CHRNE: variants seen among roughly 807,000 people sequenced by gnomAD.
CHRNE encodes acetylcholine receptor subunit epsilon.
A neutral mutation model predicts 56.5 loss-of-function variants in CHRNE; 58 were observed. The observed-to-expected ratio is 1.03, with a 90% CI of 0.83 to 1.28. CHRNE has a LOEUF of 1.28. CHRNE is among the 50% of genes most tolerant of loss of function. CHRNE has a pLI of 0.00. For synonymous variants in CHRNE, 385 were observed against 297.9 expected (o/e 1.29, Z -3.01); for missense variants, 793 against 688.9 (o/e 1.15, Z -1.69).
intron 5 of CHRNE, 41 bp downstream of exon 5, chr17:4,901,891 C>CCCA: frequency 6.2e-7 from 1 of 1,606,300 alleles, no homozygotes. Flanking sequence ...AAGGCCCCCC[C>CCCA]CCAACAATAA....
chr17:4,908,094 C>T (rs1329951123), upstream of CHRNE, among the ~76,000 whole-genome samples: 2 of 152,146 alleles, frequency 1.3e-5, no homozygotes, highest in Admixed American at 1.3e-4. Flanking sequence ...CCCCTTGAAC[C>T]AGGCAGTCAG....
rs773921388 is a variant in CHRNE, at chr17:4,899,125, G to T, written c.1220-18C>A. 1 of 1,603,758 alleles carries T rather than the reference G, an allele frequency of 6.2e-7. No individual in the cohort carries two copies. The highest frequency in any genetic ancestry group is 1.1e-5 in the South Asian group (1 of 89,858). The stretch of plus-strand genomic sequence containing the variant: ...GAAGGCAGCTGGCGGGGAAAACACC[G>T]GGGTGGGCCTTAGGAGCCTCCCCCC... On this transcript the variant is annotated intron_variant, in intron 10 of 11. Transcript: ENST00000649488.
chr17:4,899,720 C>T (rs1567637272), intron 8 of CHRNE, 138 bp from the exon 9 acceptor site: 9 of 1,526,384 alleles, frequency 5.9e-6, no homozygotes, highest in South Asian at 2.4e-5. Flanking sequence ...CGACGACAGA[C>T]GCGTCCCCCA....
chr17:4,898,540 C>T lies in CHRNE; in HGVS notation c.*196G>A, dbSNP rs1416237486. The T allele has an allele frequency of 2.3e-5, 16 of 686,480 alleles. No individual in the cohort carries two copies. The highest frequency in any genetic ancestry group is 3.7e-5 in the Non-Finnish European group (15 of 403,998). The allele number at this position is 686,480 out of a possible 1,614,324, so 42.5% of individuals were successfully genotyped here. On this transcript the variant is annotated 3_prime_UTR_variant, in exon 12 of 12. Transcript: ENST00000649488. ...CTGGCACCTGAGAGCCTATGTGAAC[C>T]CTTTCCTCCTGCTGACCCCTGGACT...
rs751557446 is a variant in CHRNE at position 4,898,424 on chromosome 17, T to G, written c.*312A>C. ...GAATATAGATAGATAGCTCACAAGC[T>G]GGCAGCCACCAGAGTCCCGTGGGGC... On this transcript the variant is annotated 3_prime_UTR_variant, in exon 12 of 12. Coordinates refer to ENST00000649488, the MANE Select transcript of CHRNE (RefSeq NM_000080.4). 1.1e-4 allele frequency: 49 copies of G among 462,766 alleles called. No individual in the cohort carries two copies. The highest frequency in any genetic ancestry group is 6.1e-4 in the Middle Eastern group (1 of 1,628). The allele number at this position is 462,766 out of a possible 1,614,324, so 28.7% of individuals were successfully genotyped here.
In CHRNE at chr17:4,897,991, C is replaced by CACCCCT. The variant is rs886053116; in HGVS notation, c.*744_*745insAGGGGT. 2.7e-5 allele frequency: 4 copies of CACCCCT among 145,966 alleles called. No individual in the cohort carries two copies. Among genetic ancestry groups the CACCCCT allele is most frequent in the South Asian group, 2.1e-4 (1 of 4,680 alleles). The allele number at this position is 145,966 out of a possible 1,614,324, so 9.0% of individuals were successfully genotyped here. A position where few individuals can be genotyped will look rare whatever the true frequency, so the allele number is the denominator to read the frequency against. On this transcript the variant is annotated 3_prime_UTR_variant, in exon 12 of 12. Transcript: ENST00000649488. ...GCAAGTAACCCTTCTCCCTCCCCCC[C>CACCCCT]CACCCCTCCTCAATGTAGTGGCCTT...
chr17:4,898,392 A>C lies in CHRNE; in HGVS notation c.*344T>G. Reference sequence around the variant, plus strand: ...CTGCAAAGGGGTCTCCTGTTTGGCTATGAAATGAATATAGATAGATAGCTC... The same window carrying C: ...CTGCAAAGGGGTCTCCTGTTTGGCTCTGAAATGAATATAGATAGATAGCTC... On this transcript the variant is annotated 3_prime_UTR_variant, in exon 12 of 12. Coordinates refer to ENST00000649488, the MANE Select transcript of CHRNE (RefSeq NM_000080.4). The C allele has an allele frequency of 2.7e-6, 1 of 365,980 alleles. No individual in the cohort carries two copies. The highest frequency in any genetic ancestry group is 5.2e-6 in the Non-Finnish European group (1 of 190,798). The allele number at this position is 365,980 out of a possible 1,614,324, so 22.7% of individuals were successfully genotyped here. A position where few individuals can be genotyped will look rare whatever the true frequency, so the allele number is the denominator to read the frequency against.
Position 4,900,864 on chromosome 17 carries a change from G to C in CHRNE, c.846C>G (p.Ala282=), listed in dbSNP as rs780429979. 2.5e-6 allele frequency: 4 copies of C among 1,614,082 alleles called. No individual in the cohort carries two copies. Among genetic ancestry groups the C allele is most frequent in the Admixed American group, 1.7e-5 (1 of 60,010 alleles). Residue 282 remains alanine (A), a synonymous_variant, in exon 8 of 12, where the codon GCC becomes GCG. Transcript: ENST00000649488. ...KCTVSINVLL[A]QTVFLFLIAQ... ...CAATGAGGAACAAGAAGACGGTCTGGGCGAGCAGGACGTTGATGGAGACCG... is the reference window on the plus strand; with the variant it reads ...CAATGAGGAACAAGAAGACGGTCTGCGCGAGCAGGACGTTGATGGAGACCG...
At chr17:4,901,891 C>CCCG (rs367599263) in intron 5 of CHRNE, 41 bp downstream of exon 5, 2 of 1,606,302 alleles carry the variant, frequency 1.2e-6, no homozygotes, top group African/African-American at 2.7e-5. Context: ...AAGGCCCCCC[C>CCCG]CCAACAATAA....
intron 8 of CHRNE, 117 bp from the exon 9 acceptor site, chr17:4,899,699 C>T (rs969186963): frequency 4.7e-6 from 7 of 1,480,610 alleles, no homozygotes; most frequent in African/African-American, 1.4e-5. Context: ...CCTCCAGCTG[C>T]GCCCCCTACA....
At position 4,898,810 on chromosome 17, in the gene CHRNE, A is replaced by C; in HGVS notation, c.1408T>G (p.Ser470Ala). Residue 470 changes from serine (S) to alanine (A), a missense_variant, in exon 12 of 12, where the codon TCC (serine) becomes GCC (alanine). Physicochemically the swap from Ser to Ala is moderately conservative, Grantham distance 99 (BLOSUM62 1). Coordinates refer to ENST00000649488, the MANE Select transcript of CHRNE (RefSeq NM_000080.4). ...WAALVLFSVG[S>A]SLIFLGAYFN... ...TAGGCCCCGAGGAAGATGAGGCTGG[A>C]GCCCACGCTGAAGAGCACCAGAGCG... is the stretch of plus-strand genomic sequence containing the variant. The C allele has an allele frequency of 6.2e-7, 1 of 1,605,300 alleles. No homozygotes were observed.
chr17:4,903,362 G>C (rs1372816311), upstream of CHRNE, among the ~76,000 whole-genome samples: 1 of 152,184 alleles, frequency 6.6e-6, no homozygotes, highest in African/African-American at 2.4e-5. Context: ...CACAATTCTA[G>C]TAGCAGGGGG....
upstream of CHRNE, chr17:4,903,144 G>A (rs1970041550): frequency 1.4e-6 from 2 of 1,411,132 alleles, no homozygotes; most frequent in Non-Finnish European, 1.0e-6. Context: ...TGAGGGGGAG[G>A]AGGGTGTTAG....
Position 4,898,637 on chromosome 17 carries a change from C to A in CHRNE, c.*99G>T. On this transcript the variant is annotated 3_prime_UTR_variant, in exon 12 of 12. Coordinates refer to ENST00000649488, the MANE Select transcript of CHRNE (RefSeq NM_000080.4). ...TGAAGTTCACAAACTGCAGATTGAT[C>A]AGCAGGGGGAAGGGATCATAATGCC... is the stretch of plus-strand genomic sequence containing the variant. 6.8e-7 allele frequency: 1 copy of A among 1,463,590 alleles called. No individual in the cohort carries two copies. The highest frequency in any genetic ancestry group is 1.2e-5 in the South Asian group (1 of 82,012). 90.7% of individuals were successfully genotyped at this position (1,463,590 alleles called of 1,614,324 possible).
At chr17:4,899,818 G>A (rs1041599982) in intron 8 of CHRNE, 8 of 1,551,024 alleles carry the variant, frequency 5.2e-6, no homozygotes, top group African/African-American at 4.1e-5. Flanking sequence ...CACTTCCACA[G>A]CTCCACCGAG....
At position 4,900,806 on chromosome 17, in the gene CHRNE, G is replaced by T; in HGVS notation, c.904C>A (p.Pro302Thr). The T allele has an allele frequency of 6.2e-7, 1 of 1,613,740 alleles. No homozygotes were observed. Among genetic ancestry groups the T allele is most frequent in the South Asian group, 1.1e-5 (1 of 91,054 alleles). ...CTCCGGCTTCACCTGCCCAGGAGCGGCACGCTCAGAGAAGTCTCTGGGATT... is the reference window on the plus strand; with the variant it reads ...CTCCGGCTTCACCTGCCCAGGAGCGTCACGCTCAGAGAAGTCTCTGGGATT... ...QKIPETSLSV[P>T]LLGRFLIFVM... Residue 302 changes from proline to threonine, a missense_variant, in exon 8 of 12, where the codon CCG becomes ACG. By Grantham distance (38) the Pro-to-Thr change is conservative (BLOSUM62 -1). Coordinates refer to ENST00000649488, the MANE Select transcript of CHRNE (RefSeq NM_000080.4).
rs1441653482 is a variant in CHRNE, at chr17:4,898,284, G to C, written c.*452C>G. 1.1e-5 allele frequency: 3 copies of C among 268,018 alleles called. No individual in the cohort carries two copies. Among genetic ancestry groups the C allele is most frequent in the Non-Finnish European group, 2.2e-5 (3 of 135,382 alleles). The allele number at this position is 268,018 out of a possible 1,614,324, so 16.6% of individuals were successfully genotyped here. On this transcript the variant is annotated 3_prime_UTR_variant, in exon 12 of 12. Coordinates refer to ENST00000649488, the MANE Select transcript of CHRNE (RefSeq NM_000080.4). ...GGGCCTGAGGGCCACCAGCACTGAA[G>C]GTGTTTGGTTCCCACCCGCTCCAGC...
In CHRNE at chr17:4,899,332, G is replaced by C. The variant is rs1053507936; in HGVS notation, c.1085C>G (p.Ala362Gly). 3.2e-6 allele frequency: 5 copies of C among 1,552,982 alleles called. No individual in the cohort carries two copies. The South Asian group carries it at 3.5e-5, about 11-fold the overall frequency. Residue 362 changes from alanine (A) to glycine (G), a missense_variant, in exon 10 of 12, where the codon GCC (alanine) becomes GGC (glycine). Transcript: ENST00000649488. ...CCTTGGGGGCGAGGCGGCCCGGGGG[G>C]CCTCGGGCGGCGGCGGGGAGCCCAG... is the stretch of plus-strand genomic sequence containing the variant. ...RLLGSPPPPE[A>G]PRAASPPRRA...
chr17:4,900,475 A>T, intron 8 of CHRNE: 1 of 1,551,120 alleles, frequency 6.4e-7, no homozygotes, highest in Admixed American at 2.0e-5. Context: ...CAGTCGCAAC[A>T]GCAGCTAGGC....
Sources: gnomAD v4.1 joint callset for allele counts (sites outside exome capture counted in the v4.1 genomes callset) on GRCh38, gnomAD v4.1.1 for gene constraint, MANE v1.5 for transcripts, NCBI Gene and HGNC (gene_info 2026-07-23, HGNC 2026-07-21) for gene names.